LAMA2: variants seen among roughly 807,000 people sequenced by gnomAD.
The protein encoded by LAMA2 is laminin subunit alpha 2, also known as laminin subunit alpha-2.
A neutral mutation model predicts 364.8 loss-of-function variants in LAMA2; 269 were observed. The observed-to-expected ratio is 0.74, with a 90% CI of 0.67 to 0.82. The LOEUF (loss-of-function observed/expected upper bound fraction) is 0.82. LAMA2 is among the 40% of genes least tolerant of loss of function. LAMA2 has a pLI of 0.00. For synonymous variants in LAMA2, 1,379 were observed against 1,370.6 expected (o/e 1.01, Z -0.14); for missense variants, 3,807 against 3,873.2 (o/e 0.98, Z 0.45).
Position 129,460,221 on chromosome 6 carries a change from A to G in LAMA2, c.6889A>G (p.Ile2297Val). Residue 2297 changes from isoleucine to valine, a missense_variant, in exon 49 of 65, where the codon ATT (isoleucine) becomes GTT (valine). By Grantham distance (29) the Ile-to-Val change is conservative. This residue lies in a region of LAMA2 where 3,333 missense variants were observed against 3,345.7 expected (regional missense o/e 1.00). Transcript: ENST00000421865. ...KLKKADAVRV[I>V]TFTGCMGETY... Reference sequence around the variant, plus strand: ...GCAGAAGGCTGATGCTGTACGTGTGATTACATTCACTGGCTGCATGGGAGA... The same window carrying G: ...GCAGAAGGCTGATGCTGTACGTGTGGTTACATTCACTGGCTGCATGGGAGA... The G allele has an allele frequency of 1.9e-6, 3 of 1,612,088 alleles. No individual in the cohort carries two copies. The highest frequency in any genetic ancestry group is 1.7e-6 in the Non-Finnish European group (2 of 1,178,542).
rs561173286 is a variant in LAMA2, at chr6:129,339,737, G to C, written c.4312-2606G>C. On this transcript the variant is annotated intron_variant, in intron 29 of 64. Transcript: ENST00000421865. ...GAAGCCATGGGGGCTGGGCACGGCA[G>C]CTCCCGCCTGTAATCCCAACACTTT... 3.9e-5 allele frequency among the ~76,000 whole-genome samples: 6 copies of C among 152,338 alleles called. No homozygotes were observed. In the South Asian group the frequency reaches 1.2e-3, roughly 32 times the overall value.
At position 128,938,158 on chromosome 6, in the gene LAMA2, C is replaced by T. The variant is rs888782832; in HGVS notation, c.112+54801C>T. On this transcript the variant is annotated intron_variant, in intron 1 of 64. Coordinates refer to ENST00000421865, the MANE Select transcript of LAMA2 (RefSeq NM_000426.4). Reference sequence around the variant, plus strand: ...ACTTCACCACTTACAAGGTATTTAGCTTTAGGTAAGCCATTTAAACTCTCA... The same window carrying T: ...ACTTCACCACTTACAAGGTATTTAGTTTTAGGTAAGCCATTTAAACTCTCA... Among the ~76,000 whole-genome samples, 6 of 152,068 alleles carry T rather than the reference C, an allele frequency of 3.9e-5. No individual in the cohort carries two copies. In the East Asian group the frequency reaches 5.8e-4, roughly 15 times the overall value.
chr6:129,503,426 C>A, intron 60 of LAMA2, 146 bp downstream of exon 60: 1 of 765,648 alleles, frequency 1.3e-6, no homozygotes. Flanking sequence ...ATACAACTAC[C>A]ACAATCTTGG....
intron 32 of LAMA2, among the ~76,000 whole-genome samples, chr6:129,359,301 A>T (rs1777329223): frequency 6.7e-6 from 1 of 148,576 alleles, no homozygotes; most frequent in African/African-American, 2.4e-5. Context: ...TATATAAAAT[A>T]TATACATATA....
At chr6:128,885,672 T>G (rs183916682) in intron 1 of LAMA2, among the ~76,000 whole-genome samples, 2 of 152,356 alleles carry the variant, frequency 1.3e-5, no homozygotes, top group Admixed American at 1.3e-4. Context: ...GTAGAAGTTC[T>G]ATTTCCCCTT....
At position 129,514,669 on chromosome 6, in the gene LAMA2, G is replaced by T. The variant is rs2297740; in HGVS notation, c.9211+74G>T. ...TGGTTTTGAAAACATTTATATTTACGTGTGTCTAAGAATGTGTGCTTATGT... is the reference window on the plus strand; with the variant it reads ...TGGTTTTGAAAACATTTATATTTACTTGTGTCTAAGAATGTGTGCTTATGT... On this transcript the variant is annotated intron_variant, in intron 64 of 64. Coordinates refer to ENST00000421865, the MANE Select transcript of LAMA2 (RefSeq NM_000426.4). The T allele has an allele frequency of 2.3e-5, 27 of 1,159,068 alleles. No individual in the cohort carries two copies. The South Asian group carries it at 3.2e-4, about 14-fold the overall frequency. 71.8% of individuals were successfully genotyped at this position (1,159,068 alleles called of 1,614,324 possible).
At chr6:129,116,714 A>C (rs1776505339) in intron 4 of LAMA2, among the ~76,000 whole-genome samples, 1 of 152,140 alleles carries the variant, frequency 6.6e-6, no homozygotes, top group Non-Finnish European at 1.5e-5. Flanking sequence ...ATTTATTCTG[A>C]AAACAGTAAT....
chr6:129,347,470 G>A (rs942791685), intron 30 of LAMA2, among the ~76,000 whole-genome samples: 3 of 152,106 alleles, frequency 2.0e-5, no homozygotes, highest in African/African-American at 4.8e-5. Context: ...ACATGCCATA[G>A]ATCCAACAAA....
chr6:129,212,105 A>AT (rs983663734), intron 12 of LAMA2, among the ~76,000 whole-genome samples: 206 of 152,258 alleles, frequency 1.4e-3, no homozygotes, highest in African/African-American at 4.8e-3. Context: ...TTTTTAAAAG[A>AT]TTTTTTCTGG....
At chr6:128,907,976 G>C (rs548294128) in intron 1 of LAMA2, among the ~76,000 whole-genome samples, 4 of 151,992 alleles carry the variant, frequency 2.6e-5, no homozygotes, top group African/African-American at 4.8e-5. Context: ...TGCATCCCAG[G>C]GATGAAGCCC....
chr6:129,181,113 T>C (rs1780900619), intron 10 of LAMA2, among the ~76,000 whole-genome samples: 1 of 152,124 alleles, frequency 6.6e-6, no homozygotes, highest in South Asian at 2.1e-4. Flanking sequence ...CCCAAACCTG[T>C]GTGCCACGTG....
intron 21 of LAMA2, among the ~76,000 whole-genome samples, chr6:129,300,041 A>G (rs1773452779): frequency 6.6e-6 from 1 of 152,200 alleles, no homozygotes; most frequent in Non-Finnish European, 1.5e-5. Flanking sequence ...CTTTGAAGAT[A>G]TTCTCAAACA....
intron 2 of LAMA2, among the ~76,000 whole-genome samples, chr6:129,051,027 A>AG: frequency 6.6e-6 from 1 of 152,138 alleles, no homozygotes; most frequent in African/African-American, 2.4e-5. Flanking sequence ...GCAAAAGAAA[A>AG]GTAAATTCAG....
At chr6:129,275,281 A>C (rs1161565373) in intron 17 of LAMA2, among the ~76,000 whole-genome samples, 1 of 152,012 alleles carries the variant, frequency 6.6e-6, no homozygotes, top group African/African-American at 2.4e-5. Flanking sequence ...TTATGTGCAC[A>C]TGGGAGATTA....
chr6:129,040,196 A>C (rs2114752683), intron 1 of LAMA2, among the ~76,000 whole-genome samples: 1 of 152,352 alleles, frequency 6.6e-6, no homozygotes, highest in East Asian at 1.9e-4. Flanking sequence ...CTACCTAGAA[A>C]AAAATGACAG....
Position 129,460,196 on chromosome 6 carries a change from G to T in LAMA2, c.6868-4G>T, listed in dbSNP as rs1045812947. The T allele has an allele frequency of 6.8e-6, 11 of 1,611,600 alleles. No homozygotes were observed. In the Admixed American group the frequency reaches 1.7e-4, roughly 24 times the overall value. ...CTAGCAAATAACGGTATTTCTTTCT[G>T]CAGAAGGCTGATGCTGTACGTGTGA... is the stretch of plus-strand genomic sequence containing the variant. On this transcript the variant is annotated splice_polypyrimidine_tract_variant and splice_region_variant and intron_variant, in intron 48 of 64. Transcript: ENST00000421865.
At chr6:129,078,297 G>A (rs1032348251) in intron 3 of LAMA2, among the ~76,000 whole-genome samples, 28 of 151,888 alleles carry the variant, frequency 1.8e-4, no homozygotes, top group African/African-American at 6.3e-4. Flanking sequence ...ACTATACCCC[G>A]CTAATTTTTG....
chr6:128,980,686 A>G (rs1782810668), intron 1 of LAMA2, among the ~76,000 whole-genome samples: 2 of 152,202 alleles, frequency 1.3e-5, no homozygotes, highest in Admixed American at 6.5e-5. Flanking sequence ...TATTTTTGCC[A>G]GCTGAAATAT....
intron 21 of LAMA2, 62 bp downstream of exon 21, chr6:129,297,927 T>A: frequency 7.2e-7 from 1 of 1,381,362 alleles, no homozygotes; most frequent in African/African-American, 1.4e-5. Flanking sequence ...CTGACTTCTG[T>A]AACAGTTTGT....
Sources: allele counts gnomAD v4.1 joint callset (sites outside exome capture counted in the v4.1 genomes callset), GRCh38; gene constraint gnomAD v4.1.1; regional missense constraint gnomAD v4.1.1; transcripts MANE v1.5; gene names NCBI Gene and HGNC (gene_info 2026-07-23, HGNC 2026-07-21).